The following RPS6KB1 variants were observed in gnomAD, a reference collection of about 807,000 sequenced individuals.
The protein encoded by RPS6KB1 is ribosomal protein S6 kinase beta-1.
RPS6KB1 carries 12 observed loss-of-function variants against 70.2 expected under a neutral mutation model. That is an observed-to-expected ratio of 0.17 (90% CI 0.11 to 0.28). The LOEUF is 0.28. Among genes scored for constraint, RPS6KB1 ranks in the 10% least tolerant of loss-of-function variants. RPS6KB1 has a pLI of 1.00. For synonymous variants in RPS6KB1, 175 were observed against 211.2 expected (o/e 0.83, Z 1.49); for missense variants, 270 against 646.6 (o/e 0.42, Z 6.32).
chr17:59,927,575 C>T (rs184393825), intron 5 of RPS6KB1, among the ~76,000 whole-genome samples: 8 of 149,032 alleles, frequency 5.4e-5, no homozygotes, highest in East Asian at 2.1e-4. Context: ...GGCGTGATAT[C>T]GGCTCACTGC....
intron 2 of RPS6KB1, chr17:59,912,196 G>A (rs1292035): frequency 0.15 from 28,180 of 192,786 alleles, 2,733 homozygotes; most frequent in East Asian, 0.37. Context: ...CTAAGAGCAA[G>A]ATGGGTCACC....
At chr17:59,917,652 G>A (rs1489154561) in intron 4 of RPS6KB1, among the ~76,000 whole-genome samples, 2 of 152,066 alleles carry the variant, frequency 1.3e-5, no homozygotes, top group African/African-American at 4.8e-5. Context: ...TTCCCCGGCT[G>A]GCCTGGAACT....
intron 4 of RPS6KB1, among the ~76,000 whole-genome samples, chr17:59,923,352 G>C (rs2043394276): frequency 6.6e-6 from 1 of 151,812 alleles, no homozygotes; most frequent in Non-Finnish European, 1.5e-5. Context: ...TATCACACGT[G>C]GCTAATTCTT....
rs1473318069 is a variant in RPS6KB1, at chr17:59,947,413, C to G, written c.*625C>G. 1.6e-6 allele frequency: 2 copies of G among 1,271,818 alleles called. No individual in the cohort carries two copies. Among genetic ancestry groups the G allele is most frequent in the Non-Finnish European group, 2.0e-6 (2 of 1,001,722 alleles). 78.8% of individuals were successfully genotyped at this position (1,271,818 alleles called of 1,614,324 possible). ...TGGTGTGAAGAAAGCCAGACAACTT[C>G]TGTTTCTTCTCTTGGTGAAATAATA... On this transcript the variant is annotated 3_prime_UTR_variant, in exon 15 of 15. Coordinates refer to ENST00000225577, the MANE Select transcript of RPS6KB1 (RefSeq NM_003161.4).
rs535926693 is a variant in RPS6KB1, at chr17:59,905,347, C to G, written c.142-5215C>G. On this transcript the variant is annotated intron_variant, in intron 1 of 14. Transcript: ENST00000225577. ...TGATGGTGTTGGTGTTTTTGACATG[C>G]AAAGGTTTTACATTTTCAGTAAATC... Among the ~76,000 whole-genome samples, 6 of 152,118 alleles carry G rather than the reference C, an allele frequency of 3.9e-5. No individual in the cohort carries two copies. In the East Asian group the frequency reaches 1.2e-3, roughly 29 times the overall value.
intron 1 of RPS6KB1, among the ~76,000 whole-genome samples, chr17:59,899,268 A>G (rs1017109347): frequency 6.6e-6 from 1 of 152,062 alleles, no homozygotes; most frequent in Non-Finnish European, 1.5e-5. Flanking sequence ...TGTATTACAT[A>G]ATGTTATTTG....
At position 59,949,705 on chromosome 17, in the gene RPS6KB1, G is replaced by A. The variant is rs2145100388; in HGVS notation, c.*2917G>A. On this transcript the variant is annotated 3_prime_UTR_variant, in exon 15 of 15. Coordinates refer to ENST00000225577, the MANE Select transcript of RPS6KB1 (RefSeq NM_003161.4). ...TTAACTAATTTGAATCCTTCAAGAA[G>A]GATTTTTCCATACTATTTTTTAAGA... is the stretch of plus-strand genomic sequence containing the variant. 1 of 152,444 alleles carries A rather than the reference G, an allele frequency of 6.6e-6. No individual in the cohort carries two copies. Among genetic ancestry groups the A allele is most frequent in the East Asian group, 1.9e-4 (1 of 5,178 alleles). 9.4% of individuals were successfully genotyped at this position (152,444 alleles called of 1,614,324 possible).
intron 1 of RPS6KB1, among the ~76,000 whole-genome samples, chr17:59,901,200 A>T (rs1015317879): frequency 6.7e-6 from 1 of 149,340 alleles, no homozygotes; most frequent in Non-Finnish European, 1.5e-5. Context: ...CCCAGGCTGG[A>T]GTACAGTGGC....
At chr17:59,900,150 G>T (rs932397964) in intron 1 of RPS6KB1, among the ~76,000 whole-genome samples, 28 of 143,984 alleles carry the variant, frequency 1.9e-4, no homozygotes, top group African/African-American at 5.7e-4. Context: ...TCCAGCCTGG[G>T]TGACAGAAAC....
At chr17:59,895,469 G>A (rs1331765870) in intron 1 of RPS6KB1, among the ~76,000 whole-genome samples, 1 of 151,210 alleles carries the variant, frequency 6.6e-6, no homozygotes, top group Non-Finnish European at 1.5e-5. Flanking sequence ...TTACAGGGGC[G>A]CGCCACATCA....
At chr17:59,928,423 C>G (rs1236692415) in intron 5 of RPS6KB1, among the ~76,000 whole-genome samples, 1 of 151,710 alleles carries the variant, frequency 6.6e-6, no homozygotes, top group Non-Finnish European at 1.5e-5. Context: ...CTCTGTCGCC[C>G]AGACTGGAGT....
At chr17:59,941,030 G>A in intron 13 of RPS6KB1, 87 bp downstream of exon 13, 3 of 725,682 alleles carry the variant, frequency 4.1e-6, no homozygotes, top group South Asian at 1.7e-5. Flanking sequence ...TTGCTTTGCA[G>A]TTCATGTAGG....
At position 59,893,180 on chromosome 17, in the gene RPS6KB1, G is replaced by C; in HGVS notation, c.-5G>C. On this transcript the variant is annotated 5_prime_UTR_variant, in exon 1 of 15. Transcript: ENST00000225577. This position sits in a 1 kb window ranked among gnomAD's most constrained non-coding sequence, Gnocchi z 4.1. ...GGCTGTGGTGGCTGCGGCGGGTCCG[G>C]GCCCATGAGGCGACGAAGGAGGCGG... is the stretch of plus-strand genomic sequence containing the variant. 1 of 1,576,748 alleles carries C rather than the reference G, an allele frequency of 6.3e-7. No homozygotes were observed.
intron 13 of RPS6KB1, among the ~76,000 whole-genome samples, chr17:59,941,748 C>T (rs1329322337): frequency 6.6e-6 from 1 of 151,890 alleles, no homozygotes; most frequent in Non-Finnish European, 1.5e-5. Context: ...ATTCTCCTGC[C>T]TCAGCCTCCC....
rs2041313696 is a variant in RPS6KB1, at chr17:59,893,837, C to G, written c.141+512C>G. 1.0e-6 allele frequency: 1 copy of G among 985,832 alleles called. No individual in the cohort carries two copies. Among genetic ancestry groups the G allele is most frequent in the African/African-American group, 1.7e-5 (1 of 57,192 alleles). The allele number at this position is 985,832 out of a possible 1,614,324, so 61.1% of individuals were successfully genotyped here. A position where few individuals can be genotyped will look rare whatever the true frequency, so the allele number is the denominator to read the frequency against. Reference sequence around the variant, plus strand: ...AGAAGTGACAGCTGAAAACTTCTGTCGGGAGTAGCACTGCCGCTGCTGTTA... The same window carrying G: ...AGAAGTGACAGCTGAAAACTTCTGTGGGGAGTAGCACTGCCGCTGCTGTTA... On this transcript the variant is annotated intron_variant, in intron 1 of 14. Transcript: ENST00000225577. This position sits in a 1 kb window ranked among gnomAD's most constrained non-coding sequence, Gnocchi z 4.1.
At position 59,926,367 on chromosome 17, in the gene RPS6KB1, G is replaced by A. The variant is rs552129355; in HGVS notation, c.382-68G>A. 102 of 1,176,360 alleles carry A rather than the reference G, an allele frequency of 8.7e-5. 1 individual carries two copies. The highest frequency in any genetic ancestry group is 8.2e-5 in the Admixed American group (3 of 36,518). 72.9% of individuals were successfully genotyped at this position (1,176,360 alleles called of 1,614,324 possible). ...CAGGAAAAACACAAAATAGATTTTA[G>A]AATAAAATAGATTATAGAATAAAAA... On this transcript the variant is annotated intron_variant, in intron 4 of 14. Coordinates refer to ENST00000225577, the MANE Select transcript of RPS6KB1 (RefSeq NM_003161.4).
chr17:59,933,573 A>G (rs2044068189), intron 7 of RPS6KB1, among the ~76,000 whole-genome samples: 1 of 152,202 alleles, frequency 6.6e-6, no homozygotes, highest in African/African-American at 2.4e-5. Flanking sequence ...TTGAACTGAA[A>G]TGATCTTTGT....
chr17:59,946,211 G>T lies in RPS6KB1; in HGVS notation c.1341-340G>T, dbSNP rs1287929838. ...GGAGTGTGTGGTGAGTGAGGAGAAG[G>T]GCAGAGGTTTGGAAAAGTATTTTAT... On this transcript the variant is annotated intron_variant, in intron 14 of 14. Coordinates refer to ENST00000225577, the MANE Select transcript of RPS6KB1 (RefSeq NM_003161.4). The surrounding 1 kb of genome is among the most constrained non-coding windows in gnomAD (Gnocchi z 4.2). Among the ~76,000 whole-genome samples the T allele has an allele frequency of 6.6e-6, 1 of 152,156 alleles. No homozygotes were observed. The highest frequency in any genetic ancestry group is 1.5e-5 in the Non-Finnish European group (1 of 68,034).
Position 59,934,435 on chromosome 17 carries a change from GCCCCTGA to G in RPS6KB1, c.782_788del (p.Ala261GlufsTer3). On this transcript the variant is annotated frameshift_variant and splice_region_variant, in exon 9 of 15. Transcript: ENST00000225577. LOFTEE classifies it high-confidence loss of function. The surrounding 1 kb of genome is among the most constrained non-coding windows in gnomAD (Gnocchi z 4.8). Reference sequence around the variant, plus strand: ...AGCATATTATTTTCCTCATTGTAGGGCCCCTGAAATCTTGATGAGAAGTGGCCACAAT... The same window carrying G: ...AGCATATTATTTTCCTCATTGTAGGGAATCTTGATGAGAAGTGGCCACAAT... 6.2e-7 allele frequency: 1 copy of G among 1,613,362 alleles called. No individual in the cohort carries two copies. The highest frequency in any genetic ancestry group is 8.5e-7 in the Non-Finnish European group (1 of 1,179,442).
Sources: gnomAD v4.1 joint callset for allele counts (sites outside exome capture counted in the v4.1 genomes callset) on GRCh38, gnomAD v4.1.1 for gene constraint, Gnocchi (gnomAD v3.1) non-coding constraint, MANE v1.5 for transcripts, NCBI Gene and HGNC (gene_info 2026-07-23, HGNC 2026-07-21) for gene names.